Variants in RAPGEF2 observed in about 807,000 individuals in gnomAD.
RAPGEF2 encodes the protein PDZ domain containing guanine nucleotide exchange factor (GEF) 1.
RAPGEF2 carries 54 observed loss-of-function variants against 186.7 expected under a neutral mutation model. The ratio of observed to expected loss-of-function variants is 0.29; its 90% CI spans 0.23 to 0.36. RAPGEF2 has a LOEUF of 0.36. RAPGEF2 is among the 10% of genes least tolerant of loss of function. The pLI, the probability that RAPGEF2 is intolerant of heterozygous loss-of-function variation, is 1.00. For synonymous variants in RAPGEF2, 712 were observed against 705.9 expected (o/e 1.01, Z -0.14); for missense variants, 1,532 against 2,045.0 (o/e 0.75, Z 4.84).
intron 4 of RAPGEF2, among the ~76,000 whole-genome samples, chr4:159,218,318 A>G (rs1751177954): frequency 6.6e-6 from 1 of 152,196 alleles, no homozygotes; most frequent in South Asian, 2.1e-4. Context: ...AATCATGTTA[A>G]AACTGTCCTC....
Position 159,218,744 on chromosome 4 carries a change from C to T in RAPGEF2, c.281+8161C>T, listed in dbSNP as rs543057241. 4.6e-5 allele frequency among the ~76,000 whole-genome samples: 7 copies of T among 151,524 alleles called. No homozygotes were observed. The South Asian group carries it at 1.3e-3, about 27-fold the overall frequency. The stretch of plus-strand genomic sequence containing the variant: ...CTGCACTCCAGCCTGGGCAACAGAG[C>T]GAGACTCCATCTAAAAAAAAAAAAG... On this transcript the variant is annotated intron_variant, in intron 4 of 29. Coordinates refer to ENST00000691494, the MANE Select transcript of RAPGEF2 (RefSeq NM_001394067.2).
chr4:159,302,297 T>C (rs1762764179), intron 7 of RAPGEF2, among the ~76,000 whole-genome samples: 1 of 151,172 alleles, frequency 6.6e-6, no homozygotes, highest in South Asian at 2.1e-4. Context: ...AAATAAAATA[T>C]AAAAATTCAT....
intron 7 of RAPGEF2, among the ~76,000 whole-genome samples, chr4:159,253,294 C>T (rs558465563): frequency 6.6e-6 from 1 of 152,314 alleles, no homozygotes; most frequent in East Asian, 1.9e-4. Flanking sequence ...TTTATTAAAA[C>T]CCATTGGTCT....
In RAPGEF2 at chr4:159,103,704, T is replaced by G. The variant is rs903851889; in HGVS notation, c.-459T>G. The G allele has an allele frequency of 1.3e-5, 2 of 152,296 alleles. No homozygotes were observed. 9.4% of individuals were successfully genotyped at this position (152,296 alleles called of 1,614,324 possible). ...GAGGAGGGGGCGACCCTCAGCGCCG[T>G]GGGGGAGGAGGCTCCGCCTGCCCAC... is the stretch of plus-strand genomic sequence containing the variant. On this transcript the variant is annotated 5_prime_UTR_variant, in exon 1 of 30. Transcript: ENST00000691494.
chr4:159,199,997 T>G (rs1339309237), intron 3 of RAPGEF2, among the ~76,000 whole-genome samples: 1 of 152,178 alleles, frequency 6.6e-6, no homozygotes, highest in Non-Finnish European at 1.5e-5. Flanking sequence ...CTTGAGCCCT[T>G]GGATCTATTT....
chr4:159,352,877 G>A lies in RAPGEF2; in HGVS notation c.4058G>A (p.Arg1353Gln), dbSNP rs776875060. The A allele has an allele frequency of 1.7e-5, 28 of 1,613,978 alleles. No homozygotes were observed. Among genetic ancestry groups the A allele is most frequent in the African/African-American group, 2.7e-5 (2 of 74,896 alleles). Residue 1353 changes from arginine (R) to glutamine (Q), a missense_variant, in exon 27 of 30, where the codon CGG becomes CAG. Arg to Gln is a conservative substitution (Grantham distance 43, BLOSUM62 1). Transcript: ENST00000691494. ...TNLGMGRMER[R>Q]TMIEPDQYSL... ...CTAGGGATGGGCAGGATGGAGAGGC[G>A]GACCATGATTGAACCTGATCAGTAT...
intron 11 of RAPGEF2, chr4:159,327,162 C>T (rs1240859736): frequency 6.6e-6 from 1 of 152,206 alleles, no homozygotes; most frequent in Non-Finnish European, 1.5e-5. Context: ...CATTCATCAT[C>T]TGTAATGTTT....
intron 7 of RAPGEF2, among the ~76,000 whole-genome samples, chr4:159,261,391 A>G (rs1756859839): frequency 6.6e-6 from 1 of 152,206 alleles, no homozygotes; most frequent in Non-Finnish European, 1.5e-5. Context: ...GAAATTCTTG[A>G]ACTTAGTAAA....
chr4:159,130,384 A>C (rs1740894353), intron 1 of RAPGEF2, among the ~76,000 whole-genome samples: 1 of 152,124 alleles, frequency 6.6e-6, no homozygotes. Context: ...TGCCTCTGAC[A>C]ACAGGGTCTT....
chr4:159,155,395 C>T (rs1744006734), intron 1 of RAPGEF2, among the ~76,000 whole-genome samples: 1 of 152,152 alleles, frequency 6.6e-6, no homozygotes, highest in Admixed American at 6.5e-5. Flanking sequence ...AGGCATTTCT[C>T]CTTCCCTTTG....
At chr4:159,205,907 T>TA (rs929635648) in intron 3 of RAPGEF2, among the ~76,000 whole-genome samples, 5 of 151,938 alleles carry the variant, frequency 3.3e-5, no homozygotes, top group African/African-American at 1.2e-4. Flanking sequence ...TCAGAACACT[T>TA]ACATTAGCCT....
chr4:159,318,074 T>C (rs1156374100), intron 9 of RAPGEF2, among the ~76,000 whole-genome samples: 1 of 151,986 alleles, frequency 6.6e-6, no homozygotes, highest in Non-Finnish European at 1.5e-5. Context: ...AAAAAAGTGC[T>C]TGTCAATATA....
At chr4:159,247,139 T>G (rs1005721108) in intron 7 of RAPGEF2, among the ~76,000 whole-genome samples, 5 of 152,336 alleles carry the variant, frequency 3.3e-5, no homozygotes, top group African/African-American at 1.2e-4. Context: ...GGATGGAGTT[T>G]CAGGAAATTT....
chr4:159,279,151 T>G (rs1360766968), intron 7 of RAPGEF2, among the ~76,000 whole-genome samples: 1 of 152,214 alleles, frequency 6.6e-6, no homozygotes, highest in East Asian at 1.9e-4. Context: ...AACTCTTCAT[T>G]TATGATCTCA....
intron 3 of RAPGEF2, among the ~76,000 whole-genome samples, chr4:159,202,739 C>A (rs897506276): frequency 1.3e-5 from 2 of 152,088 alleles, no homozygotes; most frequent in Admixed American, 6.6e-5. Flanking sequence ...ATAGTTGGGA[C>A]TATAGGCACC....
chr4:159,272,318 A>G (rs748304144), intron 7 of RAPGEF2, among the ~76,000 whole-genome samples: 12 of 152,208 alleles, frequency 7.9e-5, no homozygotes, highest in Admixed American at 1.3e-4. Flanking sequence ...AAGGCCCTCT[A>G]TAATCTACAT....
At chr4:159,186,852 A>G (rs1043477807) in intron 2 of RAPGEF2, 140 bp downstream of exon 2, 2 of 510,612 alleles carry the variant, frequency 3.9e-6, no homozygotes, top group Non-Finnish European at 6.8e-6. Context: ...TGATATTTTA[A>G]TACATGTATA....
intron 1 of RAPGEF2, among the ~76,000 whole-genome samples, chr4:159,111,969 C>CT (rs1297675981): frequency 6.6e-6 from 1 of 152,138 alleles, no homozygotes; most frequent in East Asian, 1.9e-4. Flanking sequence ...TCTTGTTGGA[C>CT]TTTTATAGCC....
chr4:159,239,292 A>G (rs1753666494), intron 5 of RAPGEF2, among the ~76,000 whole-genome samples: 1 of 152,142 alleles, frequency 6.6e-6, no homozygotes, highest in South Asian at 2.1e-4. Context: ...TTGGAATCTA[A>G]ACATGCCTCC....
Sources: gnomAD v4.1 joint callset for allele counts (sites outside exome capture counted in the v4.1 genomes callset) on GRCh38, gnomAD v4.1.1 for gene constraint, MANE v1.5 for transcripts, NCBI Gene and HGNC (gene_info 2026-07-23, HGNC 2026-07-21) for gene names.